THSD7B: variants seen among roughly 807,000 people sequenced by gnomAD.
The protein encoded by THSD7B is thrombospondin type 1 domain containing 7B.
A neutral mutation model predicts 213.6 loss-of-function variants in THSD7B; 138 were observed. That is an observed-to-expected ratio of 0.65 (90% CI 0.56 to 0.74). The LOEUF (loss-of-function observed/expected upper bound fraction) is 0.74, where lower values mean the gene tolerates loss of function less well. Ranked by LOEUF, THSD7B falls within the 30% of genes least tolerant of loss-of-function variation. The probability of loss-of-function intolerance (pLI) is 0.00; values close to 1 mark genes in which losing one functional copy is unlikely to be tolerated. For synonymous variants in THSD7B, 742 were observed against 687.0 expected (o/e 1.08, Z -1.25); for missense variants, 1,931 against 1,991.5 (o/e 0.97, Z 0.58).
At chr2:136,842,452 C>A (rs895236221) in intron 1 of THSD7B, among the ~76,000 whole-genome samples, 1 of 152,210 alleles carries the variant, frequency 6.6e-6, no homozygotes, top group Middle Eastern at 3.4e-3. Flanking sequence ...ATAAGGCATG[C>A]ATTTAACAGA....
chr2:137,274,857 A>G (rs1025642853), intron 11 of THSD7B, among the ~76,000 whole-genome samples: 2 of 152,130 alleles, frequency 1.3e-5, no homozygotes, highest in African/African-American at 2.4e-5. Context: ...ATTTCTTTAA[A>G]TGTAACAGGT....
At chr2:136,914,577 C>T (rs531982086) in intron 2 of THSD7B, among the ~76,000 whole-genome samples, 65 of 152,202 alleles carry the variant, frequency 4.3e-4, no homozygotes, top group African/African-American at 1.5e-3. Context: ...CATGGGAGCC[C>T]GTCTTTCCCC....
Position 137,106,794 on chromosome 2 carries a change from T to A in THSD7B, c.1200-8330T>A, listed in dbSNP as rs182158650. 4.6e-5 allele frequency among the ~76,000 whole-genome samples: 7 copies of A among 152,348 alleles called. No individual in the cohort carries two copies. In the East Asian group the frequency reaches 1.2e-3, roughly 25 times the overall value. On this transcript the variant is annotated intron_variant, in intron 4 of 27. Coordinates refer to ENST00000409968, the MANE Select transcript of THSD7B (RefSeq NM_001316349.2). ...GGCCAACAAACATATGAGCAAAAGCTCATCGTCACTGGTCATTAGAGAAAT... is the reference window on the plus strand; with the variant it reads ...GGCCAACAAACATATGAGCAAAAGCACATCGTCACTGGTCATTAGAGAAAT...
intron 1 of THSD7B, among the ~76,000 whole-genome samples, chr2:136,830,457 G>A (rs1682734689): frequency 6.6e-6 from 1 of 152,044 alleles, no homozygotes; most frequent in South Asian, 2.1e-4. Flanking sequence ...GCCTCTTGGG[G>A]GTTCTTTTCT....
chr2:137,494,301 C>T (rs1679509242), intron 15 of THSD7B, among the ~76,000 whole-genome samples: 1 of 151,952 alleles, frequency 6.6e-6, no homozygotes, highest in Non-Finnish European at 1.5e-5. Flanking sequence ...TACAGTAGAT[C>T]AAGATTCATA....
intron 1 of THSD7B, among the ~76,000 whole-genome samples, chr2:136,820,198 C>G (rs532655073): frequency 6.6e-6 from 1 of 152,302 alleles, no homozygotes; most frequent in South Asian, 2.1e-4. Flanking sequence ...CCTAACACCT[C>G]AAACGGTGCT....
intron 12 of THSD7B, among the ~76,000 whole-genome samples, chr2:137,394,494 G>A (rs1686122413): frequency 7.3e-6 from 1 of 137,474 alleles, no homozygotes; most frequent in African/African-American, 2.7e-5. Flanking sequence ...TTATTTCTGA[G>A]GGCTGTGTTC....
chr2:137,619,599 T>G (rs538847190), intron 19 of THSD7B, among the ~76,000 whole-genome samples: 1 of 149,082 alleles, frequency 6.7e-6, no homozygotes, highest in Non-Finnish European at 1.5e-5. Flanking sequence ...AAATCATTAA[T>G]CTACAACTCC....
intron 7 of THSD7B, among the ~76,000 whole-genome samples, chr2:137,181,264 T>A (rs1461806744): frequency 6.6e-6 from 1 of 152,146 alleles, no homozygotes; most frequent in Non-Finnish European, 1.5e-5. Context: ...AGCTTTTCAC[T>A]CCTTCATCGT....
chr2:136,960,518 G>T (rs1286768935), intron 2 of THSD7B, among the ~76,000 whole-genome samples: 1 of 152,156 alleles, frequency 6.6e-6, no homozygotes, highest in Non-Finnish European at 1.5e-5. Context: ...CGGGGTAACT[G>T]TGGGAGGGGA....
intron 17 of THSD7B, among the ~76,000 whole-genome samples, chr2:137,579,076 G>A (rs1470179903): frequency 6.6e-6 from 1 of 152,088 alleles, no homozygotes; most frequent in Non-Finnish European, 1.5e-5. Context: ...AATATTTGGA[G>A]GACAAAATAG....
At chr2:137,100,408 C>T (rs1055151143) in intron 4 of THSD7B, among the ~76,000 whole-genome samples, 5 of 151,424 alleles carry the variant, frequency 3.3e-5, no homozygotes, top group Non-Finnish European at 7.4e-5. Context: ...TGGGTTGCTG[C>T]AAAAGTAATT....
intron 2 of THSD7B, among the ~76,000 whole-genome samples, chr2:136,923,585 G>T (rs1001980427): frequency 2.6e-5 from 4 of 152,068 alleles, no homozygotes; most frequent in Non-Finnish European, 5.9e-5. Context: ...AATCATACAA[G>T]GGTTCCAATT....
At chr2:136,939,711 T>C (rs1287426740) in intron 2 of THSD7B, among the ~76,000 whole-genome samples, 1 of 152,202 alleles carries the variant, frequency 6.6e-6, no homozygotes, top group Non-Finnish European at 1.5e-5. Flanking sequence ...GTGTTATATA[T>C]GCATCTTACC....
At position 137,309,559 on chromosome 2, in the gene THSD7B, G is replaced by A. The variant is rs554580836; in HGVS notation, c.2500+33533G>A. On this transcript the variant is annotated intron_variant, in intron 12 of 27. Transcript: ENST00000409968. ...TTAGGGTACATGTGCACAATGTGCA[G>A]GTTAGTTACATATGTATACATGTGT... is the stretch of plus-strand genomic sequence containing the variant. 7.9e-5 allele frequency among the ~76,000 whole-genome samples: 12 copies of A among 151,884 alleles called. 1 individual carries two copies. The highest frequency in any genetic ancestry group is 2.9e-4 in the African/African-American group (12 of 41,434).
intron 12 of THSD7B, among the ~76,000 whole-genome samples, chr2:137,387,568 G>T (rs990877554): frequency 2.0e-5 from 3 of 152,118 alleles, no homozygotes; most frequent in Non-Finnish European, 2.9e-5. Flanking sequence ...AACAAGAAGG[G>T]TCAGAAGTAT....
In THSD7B at chr2:137,612,165, T is replaced by A. The variant is rs138053599; in HGVS notation, c.3424-4010T>A. ...TTGAAACTCTTCAAGAGTCACCATG[T>A]ACAGTGTACTAGTTATAGATAATTT... On this transcript the variant is annotated intron_variant, in intron 17 of 27. Transcript: ENST00000409968. Among the ~76,000 whole-genome samples the A allele has an allele frequency of 3.6e-3, 546 of 152,304 alleles. 2 individuals carry two copies. The highest frequency in any genetic ancestry group is 0.013 in the African/African-American group (520 of 41,574).
At chr2:137,118,814 G>T (rs960695164) in intron 5 of THSD7B, among the ~76,000 whole-genome samples, 1 of 152,086 alleles carries the variant, frequency 6.6e-6, no homozygotes, top group Admixed American at 6.6e-5. Flanking sequence ...AAGAAAAAGA[G>T]GTTTAATGAA....
intron 2 of THSD7B, among the ~76,000 whole-genome samples, chr2:136,978,062 G>T (rs985304364): frequency 4.6e-5 from 7 of 152,118 alleles, no homozygotes; most frequent in Non-Finnish European, 8.8e-5. Context: ...GCCTCCCAAA[G>T]TGCTGGGATT....
Sources: allele counts gnomAD v4.1 joint callset (sites outside exome capture counted in the v4.1 genomes callset), GRCh38; gene constraint gnomAD v4.1.1; transcripts MANE v1.5; gene names NCBI Gene and HGNC (gene_info 2026-07-23, HGNC 2026-07-21).